PDE6A: variants seen among roughly 807,000 people sequenced by gnomAD.
PDE6A encodes phosphodiesterase 6A, also known as rod cGMP-specific 3',5'-cyclic phosphodiesterase subunit alpha.
A neutral mutation model predicts 106.3 loss-of-function variants in PDE6A; 84 were observed. The ratio of observed to expected loss-of-function variants is 0.79; its 90% CI spans 0.66 to 0.95. PDE6A has a LOEUF of 0.95. PDE6A is among the 40% of genes least tolerant of loss of function. PDE6A has a pLI of 0.00. For missense variants in PDE6A, 1,052 were observed against 1,084.9 expected (o/e 0.97, Z 0.43); for synonymous variants, 394 against 386.6 (o/e 1.02, Z -0.23).
chr5:149,901,699 G>A (rs1230748321), intron 8 of PDE6A, among the ~76,000 whole-genome samples: 1 of 152,234 alleles, frequency 6.6e-6, no homozygotes, highest in Non-Finnish European at 1.5e-5. Flanking sequence ...ACGTTCTGCT[G>A]TGGTTGTGGT....
intron 13 of PDE6A, among the ~76,000 whole-genome samples, chr5:149,888,046 A>G (rs1752381508): frequency 6.6e-6 from 1 of 152,018 alleles, no homozygotes; most frequent in East Asian, 1.9e-4. Flanking sequence ...GTGAGGTGGG[A>G]GGATCGCTTG....
chr5:149,911,842 CAAAAAAA>C (rs11430549), intron 6 of PDE6A, among the ~76,000 whole-genome samples: 2,115 of 66,136 alleles, frequency 0.032, 68 homozygotes, highest in African/African-American at 0.11. Flanking sequence ...TCTCTATTAC[CAAAAAAA>C]AAAAAAAAAA....
At chr5:149,922,843 G>T (rs72830292) in intron 4 of PDE6A, among the ~76,000 whole-genome samples, 10 of 152,322 alleles carry the variant, frequency 6.6e-5, no homozygotes, top group Non-Finnish European at 1.2e-4. Context: ...ATACACAGGT[G>T]CCTTAGCCTG....
At chr5:149,934,084 A>G (rs1308352764) in intron 2 of PDE6A, 65 bp from the exon 3 acceptor site, 4 of 879,812 alleles carry the variant, frequency 4.5e-6, no homozygotes, top group Admixed American at 3.8e-5. Context: ...GGCTACTTTT[A>G]CCATCAGCAA....
chr5:149,885,200 G>A (rs1168393064), intron 14 of PDE6A, among the ~76,000 whole-genome samples: 1 of 152,240 alleles, frequency 6.6e-6, no homozygotes, highest in African/African-American at 2.4e-5. Context: ...ATAATTATTT[G>A]TTGAGCACTT....
rs765905208 is a variant in PDE6A, at chr5:149,863,326, C to T, written c.2359-60G>A. 7.0e-6 allele frequency: 11 copies of T among 1,571,178 alleles called. No homozygotes were observed. Among genetic ancestry groups the T allele is most frequent in the South Asian group, 4.4e-5 (4 of 90,030 alleles). On this transcript the variant is annotated intron_variant, in intron 20 of 21. Transcript: ENST00000255266. This position sits in a 1 kb window ranked among gnomAD's most constrained non-coding sequence, Gnocchi z 4.7. ...CCAGGCCACAGGGTCTGGGCTCAAG[C>T]GGGTGGCACAGCTGGAAACGTCCAA...
chr5:149,880,194 C>T (rs1760874185), intron 17 of PDE6A, among the ~76,000 whole-genome samples: 2 of 151,970 alleles, frequency 1.3e-5, no homozygotes, highest in South Asian at 2.1e-4. Flanking sequence ...TTCCTAATTC[C>T]CCCAGAATAA....
chr5:149,938,440 G>A (rs1754241719), intron 1 of PDE6A, among the ~76,000 whole-genome samples: 1 of 152,152 alleles, frequency 6.6e-6, no homozygotes, highest in African/African-American at 2.4e-5. Context: ...TGCTGGTGAA[G>A]GGCTGACATT....
chr5:149,861,771 G>GA (rs1380573634), intron 21 of PDE6A, among the ~76,000 whole-genome samples: 2 of 151,580 alleles, frequency 1.3e-5, no homozygotes, highest in Non-Finnish European at 2.9e-5. Context: ...CTAGCTATAA[G>GA]AAAAAAAAGA....
At chr5:149,920,773 C>T (rs527320534) in intron 5 of PDE6A, among the ~76,000 whole-genome samples, 134 of 151,156 alleles carry the variant, frequency 8.9e-4, no homozygotes, top group Non-Finnish European at 1.6e-3. Context: ...AAGGGTTAGC[C>T]GCCAATTTCC....
Position 149,884,551 on chromosome 5 carries a change from C to T in PDE6A, c.1955G>A (p.Arg652His), listed in dbSNP as rs757363164. 8.1e-6 allele frequency: 13 copies of T among 1,613,440 alleles called. No individual in the cohort carries two copies. In the Admixed American group the frequency reaches 8.3e-5, roughly 10 times the overall value. ...ESLNIFQNLN[R>H]RQHEHAIHMM... ...GTGGATGGCATGCTCATGCTGTCGA[C>T]GATTGAGGTTTTGAAAGATATTCAG... is the stretch of plus-strand genomic sequence containing the variant. Residue 652 changes from arginine to histidine, a missense_variant, in exon 16 of 22, where the codon CGT becomes CAT. This residue lies in a region of PDE6A where 913 missense variants were observed against 915.2 expected (regional missense o/e 1.00). Coordinates refer to ENST00000255266, the MANE Select transcript of PDE6A (RefSeq NM_000440.3).
chr5:149,882,550 T>C (rs1461330785), intron 17 of PDE6A, among the ~76,000 whole-genome samples: 1 of 152,020 alleles, frequency 6.6e-6, no homozygotes, highest in African/African-American at 2.4e-5. Flanking sequence ...AGGTGAATCA[T>C]GGAAGCACAC....
intron 17 of PDE6A, among the ~76,000 whole-genome samples, chr5:149,875,142 T>G (rs1287598580): frequency 6.6e-6 from 1 of 152,110 alleles, no homozygotes; most frequent in African/African-American, 2.4e-5. Context: ...GATGGCTTTA[T>G]AGCAAACAGC....
intron 4 of PDE6A, among the ~76,000 whole-genome samples, chr5:149,923,891 C>T (rs1753804663): frequency 6.6e-6 from 1 of 152,152 alleles, no homozygotes; most frequent in African/African-American, 2.4e-5. Context: ...CCTCCTCATT[C>T]CTCTCATTTG....
At chr5:149,924,814 A>G (rs189045133) in intron 4 of PDE6A, among the ~76,000 whole-genome samples, 4 of 152,324 alleles carry the variant, frequency 2.6e-5, no homozygotes, top group Non-Finnish European at 1.5e-5. Flanking sequence ...CTTTTGACCC[A>G]CTTGTTGATA....
At chr5:149,876,821 C>T (rs1274600917) in intron 17 of PDE6A, among the ~76,000 whole-genome samples, 6 of 152,050 alleles carry the variant, frequency 3.9e-5, no homozygotes, top group Non-Finnish European at 5.9e-5. Flanking sequence ...ATACATCCAA[C>T]TTATCTTTTA....
chr5:149,908,116 A>G (rs1384849018), intron 6 of PDE6A, among the ~76,000 whole-genome samples: 1 of 152,194 alleles, frequency 6.6e-6, no homozygotes, highest in Non-Finnish European at 1.5e-5. Flanking sequence ...ACTCATTTAG[A>G]TGGCACTGTA....
chr5:149,905,773 T>C (rs1174207502), intron 7 of PDE6A, among the ~76,000 whole-genome samples: 1 of 152,232 alleles, frequency 6.6e-6, no homozygotes. Context: ...ACCTCTTACT[T>C]GAATGATGCT....
At position 149,934,728 on chromosome 5, in the gene PDE6A, G is replaced by A. The variant is rs1172203349; in HGVS notation, c.475-10C>T. On this transcript the variant is annotated splice_polypyrimidine_tract_variant and intron_variant, in intron 1 of 21. Coordinates refer to ENST00000255266, the MANE Select transcript of PDE6A (RefSeq NM_000440.3). The stretch of plus-strand genomic sequence containing the variant: ...CACAGAAATGCTCATCCTAAAGGAA[G>A]GCAGAGATAAGCACGGACAGGCAAA... 1 of 1,613,496 alleles carries A rather than the reference G, an allele frequency of 6.2e-7. No homozygotes were observed. The highest frequency in any genetic ancestry group is 8.5e-7 in the Non-Finnish European group (1 of 1,179,992).
Sources: allele counts gnomAD v4.1 joint callset (sites outside exome capture counted in the v4.1 genomes callset), GRCh38; gene constraint gnomAD v4.1.1; regional missense constraint gnomAD v4.1.1; non-coding constraint Gnocchi (gnomAD v3.1); transcripts MANE v1.5; gene names NCBI Gene and HGNC (gene_info 2026-07-23, HGNC 2026-07-21).